Variants in HSDL2 observed in about 807,000 individuals in gnomAD.
HSDL2 encodes the protein hydroxysteroid dehydrogenase-like protein 2.
A neutral mutation model predicts 46.3 loss-of-function variants in HSDL2; 27 were observed. The observed-to-expected ratio is 0.58, with a 90% confidence interval of 0.43 to 0.80. HSDL2 has a LOEUF of 0.80. HSDL2 is among the 30% of genes least tolerant of loss of function. The pLI is 0.00. For missense variants in HSDL2, 451 were observed against 502.7 expected (o/e 0.90, Z 0.98); for synonymous variants, 153 against 163.6 (o/e 0.94, Z 0.50).
chr9:112,448,068 C>T (rs1227332413), intron 8 of HSDL2, among the ~76,000 whole-genome samples: 1 of 152,178 alleles, frequency 6.6e-6, no homozygotes, highest in Non-Finnish European at 1.5e-5. Flanking sequence ...CTCTCTGAAA[C>T]AGTTTTGTCA....
chr9:112,444,834 G>GTTTTT, intron 8 of HSDL2, among the ~76,000 whole-genome samples: 8 of 79,610 alleles, frequency 1.0e-4, no homozygotes, highest in East Asian at 3.6e-4. Flanking sequence ...ACTCAGTCTT[G>GTTTTT]TTTTTTTTTT....
intron 10 of HSDL2, among the ~76,000 whole-genome samples, chr9:112,467,078 A>G (rs1327037589): frequency 1.3e-5 from 2 of 152,238 alleles, no homozygotes; most frequent in Non-Finnish European, 2.9e-5. Flanking sequence ...TATATACTCA[A>G]AAGAATTGAA....
chr9:112,380,610 T>G (rs1831063218), intron 1 of HSDL2, among the ~76,000 whole-genome samples: 1 of 152,140 alleles, frequency 6.6e-6, no homozygotes, highest in Non-Finnish European at 1.5e-5. Context: ...GTTTAAAAAA[T>G]GATTTCCAAA....
chr9:112,464,994 G>A (rs1192117872), intron 10 of HSDL2, among the ~76,000 whole-genome samples: 1 of 152,150 alleles, frequency 6.6e-6, no homozygotes, highest in Non-Finnish European at 1.5e-5. Flanking sequence ...ACTGAGTCAT[G>A]TAATATGTGA....
intron 10 of HSDL2, among the ~76,000 whole-genome samples, chr9:112,466,459 A>G (rs2132717362): frequency 6.6e-6 from 1 of 152,056 alleles, no homozygotes; most frequent in East Asian, 1.9e-4. Context: ...AGGCTGAGGC[A>G]GGAGAATCGC....
chr9:112,429,889 C>T (rs1054487459), intron 6 of HSDL2, among the ~76,000 whole-genome samples: 13 of 151,934 alleles, frequency 8.6e-5, no homozygotes, highest in African/African-American at 3.1e-4. Context: ...CCCAGGAGTT[C>T]GAGACCAGCC....
chr9:112,381,962 G>A (rs1435424971), intron 1 of HSDL2, among the ~76,000 whole-genome samples: 1 of 152,160 alleles, frequency 6.6e-6, no homozygotes, highest in African/African-American at 2.4e-5. Flanking sequence ...ATGTGGCTGG[G>A]CACAGTGGCT....
intron 6 of HSDL2, among the ~76,000 whole-genome samples, chr9:112,436,242 C>CAAAAAAA (rs527930574): frequency 3.9e-5 from 3 of 77,656 alleles, no homozygotes; most frequent in Non-Finnish European, 8.1e-5. Context: ...GACCCTATCT[C>CAAAAAAA]AAAAAAAAAA....
At chr9:112,404,469 G>A (rs940547834) in intron 2 of HSDL2, among the ~76,000 whole-genome samples, 1 of 152,004 alleles carries the variant, frequency 6.6e-6, no homozygotes, top group Non-Finnish European at 1.5e-5. Flanking sequence ...GGGAGGTGGA[G>A]GTTGCAGTGA....
At chr9:112,432,074 GT>G (rs1468754454) in intron 6 of HSDL2, among the ~76,000 whole-genome samples, 1 of 152,024 alleles carries the variant, frequency 6.6e-6, no homozygotes, top group African/African-American at 2.4e-5. Context: ...TAGTGACGGG[GT>G]TTCACCATGT....
At chr9:112,427,326 A>G (rs1832274339) in intron 6 of HSDL2, among the ~76,000 whole-genome samples, 1 of 152,238 alleles carries the variant, frequency 6.6e-6, no homozygotes, top group South Asian at 2.1e-4. Context: ...AAGTGCTGGG[A>G]TTACAGGCCT....
intron 9 of HSDL2, among the ~76,000 whole-genome samples, chr9:112,455,786 A>T (rs1283193691): frequency 6.6e-6 from 1 of 152,138 alleles, no homozygotes; most frequent in Non-Finnish European, 1.5e-5. Context: ...TTGCTCTTTG[A>T]CAGAGGTAAT....
intron 10 of HSDL2, among the ~76,000 whole-genome samples, chr9:112,466,940 G>A (rs577122686): frequency 1.2e-3 from 184 of 152,294 alleles, no homozygotes; most frequent in African/African-American, 3.9e-3. Flanking sequence ...TCTTTCCTGT[G>A]TTAAATGGTC....
intron 1 of HSDL2, among the ~76,000 whole-genome samples, chr9:112,386,018 C>T (rs1480722501): frequency 1.3e-5 from 2 of 151,920 alleles, no homozygotes; most frequent in Non-Finnish European, 2.9e-5. Flanking sequence ...AGCAATCCAC[C>T]CACCTCAGCC....
chr9:112,394,549 T>C (rs1233325462), intron 1 of HSDL2, among the ~76,000 whole-genome samples: 1 of 152,096 alleles, frequency 6.6e-6, no homozygotes, highest in African/African-American at 2.4e-5. Flanking sequence ...TCTTCCTAAA[T>C]TAAAGTTTTA....
At chr9:112,396,764 A>G (rs1465648547) in intron 1 of HSDL2, among the ~76,000 whole-genome samples, 1 of 152,136 alleles carries the variant, frequency 6.6e-6, no homozygotes, top group Non-Finnish European at 1.5e-5. Flanking sequence ...ATTTAGAGGA[A>G]TGGTACTACA....
chr9:112,409,598 G>C (rs1234067414), intron 4 of HSDL2, among the ~76,000 whole-genome samples: 1 of 152,120 alleles, frequency 6.6e-6, no homozygotes, highest in African/African-American at 2.4e-5. Flanking sequence ...CAGCACTTTG[G>C]GTGAGGGGAG....
chr9:112,438,327 A>T (rs1832571319), intron 6 of HSDL2, 104 bp from the exon 7 acceptor site: 1 of 769,110 alleles, frequency 1.3e-6, no homozygotes. Context: ...AAATGAAAGG[A>T]TTAGCCTTGA....
intron 9 of HSDL2, among the ~76,000 whole-genome samples, chr9:112,458,958 G>A (rs546566268): frequency 6.6e-6 from 1 of 151,906 alleles, no homozygotes; most frequent in South Asian, 2.1e-4. Context: ...TCCAGCCTGG[G>A]CGACAGAGCT....
Sources: allele counts gnomAD v4.1 joint callset (sites outside exome capture counted in the v4.1 genomes callset), GRCh38; gene constraint gnomAD v4.1.1; transcripts MANE v1.5; gene names NCBI Gene and HGNC (gene_info 2026-07-23, HGNC 2026-07-21).